The following ADAMTS7 variants were observed in gnomAD, a reference collection of about 807,000 sequenced individuals.
The protein encoded by ADAMTS7 is ADAM metallopeptidase with thrombospondin type 1 motif 7, also known as A disintegrin and metalloproteinase with thrombospondin motifs 7.
A neutral mutation model predicts 172.6 loss-of-function variants in ADAMTS7; 89 were observed. The ratio of observed to expected loss-of-function variants is 0.52; its 90% CI spans 0.43 to 0.61. ADAMTS7 has a LOEUF of 0.61. Among genes scored for constraint, ADAMTS7 ranks in the 20% least tolerant of loss-of-function variants. ADAMTS7 has a pLI of 0.00. For synonymous variants in ADAMTS7, 885 were observed against 978.4 expected (o/e 0.90, Z 1.78); for missense variants, 1,973 against 2,355.6 (o/e 0.84, Z 3.36).
At chr15:78,792,641 C>G (rs987884770) in intron 4 of ADAMTS7, among the ~76,000 whole-genome samples, 1 of 152,132 alleles carries the variant, frequency 6.6e-6, no homozygotes, top group Admixed American at 6.6e-5. Flanking sequence ...TGGTGAAACC[C>G]GTCTCTACTA....
At chr15:78,770,325 G>A (rs1041600217) in intron 16 of ADAMTS7, among the ~76,000 whole-genome samples, 1 of 151,276 alleles carries the variant, frequency 6.6e-6, no homozygotes, top group African/African-American at 2.4e-5. Flanking sequence ...ATGCTCAAAT[G>A]TCTGTATCTC....
chr15:78,772,815 T>TG (rs200003765), intron 14 of ADAMTS7, among the ~76,000 whole-genome samples: 41,656 of 152,124 alleles, frequency 0.27, 5,876 homozygotes, highest in South Asian at 0.42. Flanking sequence ...GAGACTACCA[T>TG]TCTTTGGAAG....
intron 11 of ADAMTS7, among the ~76,000 whole-genome samples, chr15:78,775,195 A>G (rs2055323217): frequency 6.6e-6 from 1 of 152,148 alleles, no homozygotes. Context: ...AGCCCATGAC[A>G]CCAGCATCCT....
In ADAMTS7 at chr15:78,792,721, G is replaced by A. The variant is rs569907163; in HGVS notation, c.820-1498C>T. Among the ~76,000 whole-genome samples the A allele has an allele frequency of 3.3e-5, 5 of 152,304 alleles. No individual in the cohort carries two copies. The South Asian group carries it at 8.3e-4, about 25-fold the overall frequency. ...CCAGCCCCCTGGGAGGCTGAGGCAG[G>A]AGAATCACTGGAACCCGGGAAGGCA... On this transcript the variant is annotated intron_variant, in intron 4 of 23. Transcript: ENST00000388820.
In ADAMTS7 at chr15:78,765,033, A is replaced by G. The variant is rs558684160; in HGVS notation, c.4267-326T>C. The G allele has an allele frequency of 6.5e-3, 1,838 of 283,998 alleles. 8 individuals carry two copies. The highest frequency in any genetic ancestry group is 0.018 in the South Asian group (161 of 9,038). The allele number at this position is 283,998 out of a possible 1,614,324, so 17.6% of individuals were successfully genotyped here. On this transcript the variant is annotated intron_variant, in intron 19 of 23. Coordinates refer to ENST00000388820, the MANE Select transcript of ADAMTS7 (RefSeq NM_014272.5). ...CTTGACCAGCCTCGTCGCTTCCCAG[A>G]GGCACCAGGGAAGGAAGGCTGGGTC...
chr15:78,770,858 G>A, intron 16 of ADAMTS7: 1 of 392,334 alleles, frequency 2.5e-6, no homozygotes, highest in Non-Finnish European at 4.7e-6. Context: ...AAGTCAGTGT[G>A]GTGAGGGGCC....
intron 13 of ADAMTS7, 96 bp downstream of exon 13, chr15:78,774,071 G>T: frequency 6.5e-7 from 1 of 1,533,700 alleles, no homozygotes; most frequent in Non-Finnish European, 8.7e-7. Flanking sequence ...GCCATGGCCC[G>T]AGGAGGATCA....
At position 78,800,381 on chromosome 15, in the gene ADAMTS7, G is replaced by A. The variant is rs368804068; in HGVS notation, c.267C>T (p.Arg89=). 13 of 1,606,048 alleles carry A rather than the reference G, an allele frequency of 8.1e-6. No homozygotes were observed. The highest frequency in any genetic ancestry group is 6.7e-5 in the African/African-American group (5 of 74,876). Residue 89 remains arginine, a synonymous_variant, in exon 2 of 24, where the codon CGC becomes CGT. Coordinates refer to ENST00000388820, the MANE Select transcript of ADAMTS7 (RefSeq NM_014272.5). ...PAFYELQYRG[R]ELRFNLTANQ... Reference sequence around the variant, plus strand: ...TGGCGGTCAGGTTGAAGCGCAGCTCGCGCCCGCGGTATTGTAGCTCGTAGA... The same window carrying A: ...TGGCGGTCAGGTTGAAGCGCAGCTCACGCCCGCGGTATTGTAGCTCGTAGA...
intron 4 of ADAMTS7, among the ~76,000 whole-genome samples, chr15:78,795,119 G>A (rs1048493900): frequency 2.0e-5 from 3 of 152,252 alleles, no homozygotes; most frequent in Admixed American, 6.5e-5. Context: ...TCAGCCTCCA[G>A]GGTCTTTCAG....
chr15:78,809,667 G>C (rs2055839604), intron 1 of ADAMTS7, among the ~76,000 whole-genome samples: 1 of 152,188 alleles, frequency 6.6e-6, no homozygotes, highest in East Asian at 1.9e-4. Flanking sequence ...CAGCTGCCAG[G>C]GGGCCAGGAC....
chr15:78,774,352 A>C (rs531469164), intron 12 of ADAMTS7, 52 bp from the exon 13 acceptor site: 2 of 1,502,836 alleles, frequency 1.3e-6, no homozygotes, highest in South Asian at 2.6e-5. Context: ...GGGAGTATGG[A>C]GGCCACCAGG....
intron 11 of ADAMTS7, among the ~76,000 whole-genome samples, chr15:78,775,405 T>G (rs1054332621): frequency 6.6e-6 from 1 of 152,090 alleles, no homozygotes; most frequent in Non-Finnish European, 1.5e-5. Flanking sequence ...CAGGCCACTC[T>G]TGGGTAAGCG....
chr15:78,791,103 C>T (rs1421547912), intron 5 of ADAMTS7, 37 bp downstream of exon 5: 1 of 1,597,282 alleles, frequency 6.3e-7, no homozygotes, highest in East Asian at 2.2e-5. Flanking sequence ...GCAGCCGAAG[C>T]CATTGCCGGG....
In ADAMTS7 at chr15:78,759,332, A is replaced by G. The variant is rs2055001666; in HGVS notation, c.*89T>C. 5 of 1,347,238 alleles carry G rather than the reference A, an allele frequency of 3.7e-6. No homozygotes were observed. Among genetic ancestry groups the G allele is most frequent in the Admixed American group, 5.2e-5 (2 of 38,564 alleles). The allele number at this position is 1,347,238 out of a possible 1,614,324, so 83.5% of individuals were successfully genotyped here. On this transcript the variant is annotated 3_prime_UTR_variant, in exon 24 of 24. Transcript: ENST00000388820. ...TGCTGCTGGGTAGTGAGAGGGGGTT[A>G]GCACCATTAGGGCGCAGGGGGCGGG... is the stretch of plus-strand genomic sequence containing the variant.
At chr15:78,790,900 G>T (rs1410771651) in intron 5 of ADAMTS7, 106 bp from the exon 6 acceptor site, 15 of 1,532,698 alleles carry the variant, frequency 9.8e-6, no homozygotes, top group Non-Finnish European at 1.2e-5. Flanking sequence ...GCAGGGAAGT[G>T]GGAGGCCCGC....
Position 78,800,416 on chromosome 15 carries a change from C to G in ADAMTS7, c.232G>C (p.Ala78Pro). 1 of 1,609,438 alleles carries G rather than the reference C, an allele frequency of 6.2e-7. No homozygotes were observed. The highest frequency in any genetic ancestry group is 8.5e-7 in the Non-Finnish European group (1 of 1,178,228). The change falls in exon 2 of 24, where the codon GCG becomes CCG. Residue 78 changes from alanine (A) to proline (P), a missense_variant. Physicochemically the swap from Ala to Pro is conservative, Grantham distance 27. Coordinates refer to ENST00000388820, the MANE Select transcript of ADAMTS7 (RefSeq NM_014272.5). ...RKRDVSVRRDAPAFYELQYRG... is the reference protein window; with the variant it reads ...RKRDVSVRRDPPAFYELQYRG... ...TATTGTAGCTCGTAGAAGGCGGGCG[C>G]GTCTCGGCGCACAGATACATCCCGC...
chr15:78,800,130 A>C (rs2055698945), intron 2 of ADAMTS7, 62 bp downstream of exon 2: 1 of 1,433,304 alleles, frequency 7.0e-7, no homozygotes, highest in Non-Finnish European at 9.5e-7. Flanking sequence ...GCAAGGCTAG[A>C]GCCAATCTGC....
In ADAMTS7 at chr15:78,759,586, G is replaced by A. The variant is rs531188426; in HGVS notation, c.4904-8C>T. 1.1e-5 allele frequency: 18 copies of A among 1,571,256 alleles called. No individual in the cohort carries two copies. The highest frequency in any genetic ancestry group is 9.4e-5 in the African/African-American group (7 of 74,128). The stretch of plus-strand genomic sequence containing the variant: ...GGCGGTCCCGCTCACAGCCTGGAGT[G>A]GGGGGGCAGAGAGGCATCAGAACCA... On this transcript the variant is annotated splice_polypyrimidine_tract_variant and splice_region_variant and intron_variant, in intron 23 of 23. Transcript: ENST00000388820.
chr15:78,791,885 G>T (rs1366548317), intron 4 of ADAMTS7, among the ~76,000 whole-genome samples: 2 of 152,208 alleles, frequency 1.3e-5, no homozygotes, highest in African/African-American at 4.8e-5. Flanking sequence ...AGGAGACGGG[G>T]CTATCCCCAA....
Sources: allele counts gnomAD v4.1 joint callset (sites outside exome capture counted in the v4.1 genomes callset), GRCh38; gene constraint gnomAD v4.1.1; transcripts MANE v1.5; gene names NCBI Gene and HGNC (gene_info 2026-07-23, HGNC 2026-07-21).